GABRG3: variants seen among roughly 807,000 people sequenced by gnomAD.
The protein encoded by GABRG3 is gamma-aminobutyric acid type A receptor subunit gamma3.
A neutral mutation model predicts 48.8 loss-of-function variants in GABRG3; 25 were observed. The observed-to-expected ratio is 0.51, with a 90% confidence interval of 0.37 to 0.72. The LOEUF (loss-of-function observed/expected upper bound fraction) is 0.72, where lower values mean the gene tolerates loss of function less well. Among genes scored for constraint, GABRG3 ranks in the 30% least tolerant of loss-of-function variants. The pLI is 0.00. For synonymous variants in GABRG3, 227 were observed against 217.6 expected (o/e 1.04, Z -0.38); for missense variants, 394 against 577.9 (o/e 0.68, Z 3.26).
chr15:27,085,834 A>G (rs1196968325), intron 3 of GABRG3, among the ~76,000 whole-genome samples: 1 of 152,226 alleles, frequency 6.6e-6, no homozygotes, highest in East Asian at 1.9e-4. Flanking sequence ...ATATTATTTT[A>G]GTATACTGAA....
At chr15:27,156,908 GA>G (rs1418429156) in intron 3 of GABRG3, among the ~76,000 whole-genome samples, 3 of 152,170 alleles carry the variant, frequency 2.0e-5, no homozygotes, top group African/African-American at 7.2e-5. Flanking sequence ...ATGCTTTGAA[GA>G]AATCCACACC....
intron 3 of GABRG3, among the ~76,000 whole-genome samples, chr15:27,198,548 G>T (rs1362302172): frequency 6.6e-6 from 1 of 152,184 alleles, no homozygotes; most frequent in Non-Finnish European, 1.5e-5. Context: ...ACTGTTGGTG[G>T]GAGTGTAAAT....
intron 3 of GABRG3, among the ~76,000 whole-genome samples, chr15:27,223,843 C>A (rs1333889174): frequency 6.6e-6 from 1 of 152,204 alleles, no homozygotes; most frequent in East Asian, 1.9e-4. Context: ...TGATTGCCCC[C>A]CTTTTTGTGT....
At chr15:27,386,146 T>C (rs1354083770) in intron 5 of GABRG3, among the ~76,000 whole-genome samples, 1 of 152,190 alleles carries the variant, frequency 6.6e-6, no homozygotes, top group East Asian at 1.9e-4. Context: ...TGGTGTTTTC[T>C]ATCTTTTTAA....
chr15:27,516,091 CA>C (rs1891012064), intron 6 of GABRG3, among the ~76,000 whole-genome samples: 2 of 149,094 alleles, frequency 1.3e-5, no homozygotes, highest in South Asian at 4.2e-4. Context: ...TGTTATCTAG[CA>C]GCCGGTTAGC....
chr15:27,403,927 A>C lies in GABRG3; in HGVS notation c.574+75039A>C, dbSNP rs1315011283. On this transcript the variant is annotated intron_variant, in intron 5 of 9. Coordinates refer to ENST00000615808, the MANE Select transcript of GABRG3 (RefSeq NM_033223.5). Reference sequence around the variant, plus strand: ...CTCAAAAAAAAACAAAAAAAAAAAAAACAAAAAAAAAAAACCGGGCTTGGT... The same window carrying C: ...CTCAAAAAAAAACAAAAAAAAAAAACACAAAAAAAAAAAACCGGGCTTGGT... Among the ~76,000 whole-genome samples the C allele has an allele frequency of 8.0e-3, 997 of 125,194 alleles. 6 individuals are homozygous for C. Among genetic ancestry groups the C allele is most frequent in the Admixed American group, 0.015 (190 of 13,058 alleles). The allele number at this position is 125,194 out of a possible 152,430, so 82.1% of individuals were successfully genotyped here. A position where few individuals can be genotyped will look rare whatever the true frequency, so the allele number is the denominator to read the frequency against.
chr15:27,249,721 T>C (rs986590214), intron 3 of GABRG3, among the ~76,000 whole-genome samples: 31 of 152,104 alleles, frequency 2.0e-4, no homozygotes, highest in African/African-American at 7.5e-4. Flanking sequence ...TAAAAAGATA[T>C]CACCTTATGA....
At position 27,319,767 on chromosome 15, in the gene GABRG3, C is replaced by A. The variant is rs994015681; in HGVS notation, c.271-7042C>A. 1.3e-5 allele frequency among the ~76,000 whole-genome samples: 2 copies of A among 152,158 alleles called. No individual in the cohort carries two copies. Among genetic ancestry groups the A allele is most frequent in the African/African-American group, 2.4e-5 (1 of 41,424 alleles). On this transcript the variant is annotated intron_variant, in intron 3 of 9. Coordinates refer to ENST00000615808, the MANE Select transcript of GABRG3 (RefSeq NM_033223.5). The surrounding 1 kb of genome is among the most constrained non-coding windows in gnomAD (Gnocchi z 4.4). The stretch of plus-strand genomic sequence containing the variant: ...GGTTGGTTTGTAAGCAAGCACGATA[C>A]ACGGAGCCTTGAGTATCATGCAAAG...
At chr15:27,139,473 C>G (rs1668589679) in intron 3 of GABRG3, among the ~76,000 whole-genome samples, 2 of 152,124 alleles carry the variant, frequency 1.3e-5, no homozygotes, top group Non-Finnish European at 1.5e-5. Context: ...TCTCCATTCA[C>G]TGATTCAAAT....
At chr15:27,104,113 C>G (rs189769498) in intron 3 of GABRG3, among the ~76,000 whole-genome samples, 5 of 152,288 alleles carry the variant, frequency 3.3e-5, no homozygotes, top group Admixed American at 2.0e-4. Flanking sequence ...AATGAAATGG[C>G]CCTTGCCTTT....
At chr15:27,100,296 C>A (rs1897334566) in intron 3 of GABRG3, among the ~76,000 whole-genome samples, 1 of 150,874 alleles carries the variant, frequency 6.6e-6, no homozygotes, top group South Asian at 2.1e-4. Context: ...GAAGTGGAAA[C>A]CTGAATATTC....
At chr15:27,305,662 AAT>A (rs1381514535) in intron 3 of GABRG3, among the ~76,000 whole-genome samples, 1 of 124,206 alleles carries the variant, frequency 8.1e-6, no homozygotes, top group African/African-American at 2.9e-5. Flanking sequence ...AAACATATAT[AAT>A]ATAAACCTAT....
intron 3 of GABRG3, among the ~76,000 whole-genome samples, chr15:27,250,283 T>G (rs918356793): frequency 7.9e-5 from 12 of 152,224 alleles, no homozygotes; most frequent in African/African-American, 2.7e-4. Flanking sequence ...ACCCATGCTG[T>G]CCAGCGCCAC....
intron 5 of GABRG3, among the ~76,000 whole-genome samples, chr15:27,360,101 G>C (rs1261354785): frequency 6.6e-6 from 1 of 152,160 alleles, no homozygotes; most frequent in East Asian, 1.9e-4. Context: ...AGGAAGAGAA[G>C]CAAATACTGT....
At chr15:27,210,650 C>A (rs988990462) in intron 3 of GABRG3, among the ~76,000 whole-genome samples, 6 of 152,206 alleles carry the variant, frequency 3.9e-5, no homozygotes, top group African/African-American at 1.4e-4. Context: ...AACATGCACT[C>A]AGTGATGGTT....
intron 3 of GABRG3, among the ~76,000 whole-genome samples, chr15:27,143,791 T>C (rs981305343): frequency 2.6e-5 from 4 of 152,218 alleles, no homozygotes; most frequent in African/African-American, 9.6e-5. Flanking sequence ...CTAACCAGCA[T>C]TGGGTTCTTT....
At chr15:27,029,002 C>T (rs907971300) in intron 3 of GABRG3, among the ~76,000 whole-genome samples, 15 of 152,130 alleles carry the variant, frequency 9.9e-5, no homozygotes, top group African/African-American at 2.2e-4. Context: ...GAGAAGAACA[C>T]GTGTGCACCA....
At chr15:27,156,298 C>CAAAAAAAAAA (rs34055206) in intron 3 of GABRG3, among the ~76,000 whole-genome samples, 12 of 78,112 alleles carry the variant, frequency 1.5e-4, no homozygotes, top group African/African-American at 2.6e-4. Flanking sequence ...CACTCTGTCT[C>CAAAAAAAAAA]AAAAAAAAAA....
intron 3 of GABRG3, among the ~76,000 whole-genome samples, chr15:27,036,463 G>A (rs372007339): frequency 7.9e-5 from 12 of 152,294 alleles, no homozygotes; most frequent in African/African-American, 2.2e-4. Context: ...AAGCTGAGGC[G>A]GGCGGATCAT....
Sources: gnomAD v4.1 joint callset for allele counts (sites outside exome capture counted in the v4.1 genomes callset) on GRCh38, gnomAD v4.1.1 for gene constraint, Gnocchi (gnomAD v3.1) non-coding constraint, MANE v1.5 for transcripts, NCBI Gene and HGNC (gene_info 2026-07-23, HGNC 2026-07-21) for gene names.